SLC35F3: variants seen among roughly 807,000 people sequenced by gnomAD.
SLC35F3 encodes solute carrier family 35 member F3.
SLC35F3 carries 25 observed loss-of-function variants against 49.9 expected under a neutral mutation model. The observed-to-expected ratio is 0.50, with a 90% CI of 0.37 to 0.70. The LOEUF is 0.70. Among genes scored for constraint, SLC35F3 ranks in the 30% least tolerant of loss-of-function variants. The probability of loss-of-function intolerance (pLI) is 0.00; values close to 1 mark genes in which losing one functional copy is unlikely to be tolerated. For synonymous variants in SLC35F3, 275 were observed against 265.4 expected (o/e 1.04, Z -0.35); for missense variants, 525 against 639.8 (o/e 0.82, Z 1.94).
intron 3 of SLC35F3, among the ~76,000 whole-genome samples, chr1:234,259,613 G>T (rs1212965692): frequency 1.3e-5 from 2 of 152,128 alleles, no homozygotes. Context: ...GGCAGAGGTT[G>T]CAGTGAGCGG....
chr1:233,972,703 C>A (rs564605807), intron 2 of SLC35F3, among the ~76,000 whole-genome samples: 30 of 152,314 alleles, frequency 2.0e-4, no homozygotes, highest in African/African-American at 7.0e-4. Context: ...TCAAGATGGA[C>A]AACGAAGGCC....
At chr1:233,929,323 T>C (rs1357403281) in intron 2 of SLC35F3, among the ~76,000 whole-genome samples, 1 of 152,208 alleles carries the variant, frequency 6.6e-6, no homozygotes, top group African/African-American at 2.4e-5. Flanking sequence ...GATTACATCC[T>C]GAATCTCTTC....
chr1:234,242,684 A>G (rs1047306216), intron 3 of SLC35F3, among the ~76,000 whole-genome samples: 2 of 152,226 alleles, frequency 1.3e-5, no homozygotes, highest in African/African-American at 4.8e-5. Context: ...CAGAGAGAAA[A>G]CAAAGATGAT....
At chr1:234,112,443 A>C (rs1159637031) in intron 2 of SLC35F3, among the ~76,000 whole-genome samples, 1 of 152,086 alleles carries the variant, frequency 6.6e-6, no homozygotes, top group Admixed American at 6.5e-5. Context: ...CATGTGACTC[A>C]TATCAGAGTT....
chr1:234,034,481 G>A (rs931782768), intron 2 of SLC35F3, among the ~76,000 whole-genome samples: 1 of 152,152 alleles, frequency 6.6e-6, no homozygotes, highest in Non-Finnish European at 1.5e-5. Flanking sequence ...CTATGGGTTT[G>A]TCATAGACGG....
At chr1:234,114,219 G>A (rs1250519014) in intron 2 of SLC35F3, among the ~76,000 whole-genome samples, 2 of 152,178 alleles carry the variant, frequency 1.3e-5, no homozygotes, top group Admixed American at 6.5e-5. Flanking sequence ...TTATATCATG[G>A]TATTTATTGC....
At chr1:234,135,527 A>G (rs769610947) in intron 2 of SLC35F3, among the ~76,000 whole-genome samples, 20 of 152,200 alleles carry the variant, frequency 1.3e-4, no homozygotes, top group African/African-American at 3.1e-4. Context: ...ATATGGTCAT[A>G]CTCAGGGCTC....
chr1:233,932,642 A>G (rs1403533458), intron 2 of SLC35F3, among the ~76,000 whole-genome samples: 1 of 152,150 alleles, frequency 6.6e-6, no homozygotes, highest in Non-Finnish European at 1.5e-5. Context: ...CAATTTAAAA[A>G]TCTCTTAAAA....
rs1666126127 is a variant in SLC35F3, at chr1:234,154,722, AT to A, written c.284-76694del. Among the ~76,000 whole-genome samples the A allele has an allele frequency of 2.6e-5, 4 of 152,350 alleles. No homozygotes were observed. In the South Asian group the frequency reaches 8.3e-4, roughly 32 times the overall value. On this transcript the variant is annotated intron_variant, in intron 2 of 7. Coordinates refer to ENST00000366618, the MANE Select transcript of SLC35F3 (RefSeq NM_173508.4). Reference sequence around the variant, plus strand: ...ATTTACTTTTGATCAGCAAATGTTAATAATGTAGGCATGGGATGCCACCATA... The same window carrying A: ...ATTTACTTTTGATCAGCAAATGTTAAAATGTAGGCATGGGATGCCACCATA...
chr1:234,218,891 A>C (rs1037929730), intron 2 of SLC35F3, among the ~76,000 whole-genome samples: 3 of 146,214 alleles, frequency 2.1e-5, no homozygotes, highest in African/African-American at 8.0e-5. Context: ...ACTACTAAAA[A>C]TACAAAAATT....
intron 2 of SLC35F3, among the ~76,000 whole-genome samples, chr1:234,063,219 G>C (rs6682455): frequency 0.11 from 16,034 of 152,070 alleles, 1,302 homozygotes; most frequent in East Asian, 0.25. Flanking sequence ...GGGAGGAAGA[G>C]AGCTTTTATT....
intron 3 of SLC35F3, among the ~76,000 whole-genome samples, chr1:234,242,189 T>C (rs1294210633): frequency 4.6e-5 from 7 of 152,214 alleles, no homozygotes; most frequent in African/African-American, 1.7e-4. Flanking sequence ...GCTCCATAAG[T>C]CAGCCTCCAG....
At chr1:234,241,092 G>A (rs1451102075) in intron 3 of SLC35F3, among the ~76,000 whole-genome samples, 1 of 152,216 alleles carries the variant, frequency 6.6e-6, no homozygotes, top group African/African-American at 2.4e-5. Flanking sequence ...AGCTAAAGCA[G>A]ATGTGTTTCT....
At chr1:233,994,719 G>A (rs1045889917) in intron 2 of SLC35F3, among the ~76,000 whole-genome samples, 1 of 152,152 alleles carries the variant, frequency 6.6e-6, no homozygotes, top group African/African-American at 2.4e-5. Flanking sequence ...TTGGGTTGTA[G>A]CCCAGGCTTA....
intron 2 of SLC35F3, among the ~76,000 whole-genome samples, chr1:233,929,936 G>A (rs796893959): frequency 3.3e-5 from 5 of 152,238 alleles, no homozygotes; most frequent in African/African-American, 1.2e-4. Context: ...TAGAGCAGAT[G>A]GAATCAATCT....
intron 2 of SLC35F3, among the ~76,000 whole-genome samples, chr1:234,068,547 C>CA (rs1664654600): frequency 6.6e-6 from 1 of 151,872 alleles, no homozygotes; most frequent in Non-Finnish European, 1.5e-5. Flanking sequence ...TCATAGAACC[C>CA]ATAATTGCTG....
At chr1:234,018,594 G>C (rs1663843358) in intron 2 of SLC35F3, among the ~76,000 whole-genome samples, 1 of 152,150 alleles carries the variant, frequency 6.6e-6, no homozygotes, top group South Asian at 2.1e-4. Context: ...CTGCAGCACT[G>C]GGAAGACAAA....
At chr1:234,140,004 T>TAAAATAAAATAA (rs1194690061) in intron 2 of SLC35F3, among the ~76,000 whole-genome samples, 11 of 147,210 alleles carry the variant, frequency 7.5e-5, no homozygotes, top group Middle Eastern at 3.5e-3. Context: ...TAAAATAAAG[T>TAAAATAAAATAA]AAGTGACTTG....
intron 3 of SLC35F3, among the ~76,000 whole-genome samples, chr1:234,295,684 T>C (rs1179678900): frequency 2.6e-5 from 4 of 152,246 alleles, no homozygotes; most frequent in African/African-American, 9.6e-5. Flanking sequence ...AAACAATTAT[T>C]TGAAAATTCT....
Sources: gnomAD v4.1 joint callset for allele counts (sites outside exome capture counted in the v4.1 genomes callset) on GRCh38, gnomAD v4.1.1 for gene constraint, MANE v1.5 for transcripts, NCBI Gene and HGNC (gene_info 2026-07-23, HGNC 2026-07-21) for gene names.